Variants in APOL6 observed in about 807,000 individuals in gnomAD.
The protein encoded by APOL6 is apolipoprotein L6.
Under a neutral mutation model 2.4 loss-of-function variants are expected in APOL6, and 1 was observed. That is an observed-to-expected ratio of 0.41 (90% confidence interval 0.15 to 1.94). The LOEUF (loss-of-function observed/expected upper bound fraction) is 1.94, where lower values mean the gene tolerates loss of function less well. APOL6 is among the 30% of genes most tolerant of loss of function. The probability of loss-of-function intolerance (pLI) is 0.30; values close to 1 mark genes in which losing one functional copy is unlikely to be tolerated. For synonymous variants in APOL6, 189 were observed against 169.3 expected (o/e 1.12, Z -0.90); for missense variants, 438 against 429.2 (o/e 1.02, Z -0.18).
rs1252701271 is a variant in APOL6, at chr22:35,663,207, A to C, written c.*3611A>C. The C allele has an allele frequency of 1.3e-5, 2 of 152,182 alleles. No individual in the cohort carries two copies. Among genetic ancestry groups the C allele is most frequent in the African/African-American group, 4.8e-5 (2 of 41,446 alleles). 9.4% of individuals were successfully genotyped at this position (152,182 alleles called of 1,614,324 possible). A position where few individuals can be genotyped will look rare whatever the true frequency, so the allele number is the denominator to read the frequency against. On this transcript the variant is annotated 3_prime_UTR_variant, in exon 3 of 3. Coordinates refer to ENST00000409652, the MANE Select transcript of APOL6 (RefSeq NM_030641.4). ...GGTAGGAAAACAGCCAGCTTAAAAA[A>C]CTTTTTTTAAATTTTAATTACTATA...
Position 35,658,675 on chromosome 22 carries a change from C to G in APOL6, c.111C>G (p.Pro37=), listed in dbSNP as rs749676491. The part of the protein sequence containing the change: ...DVELQDGDLS[P]EEKIFLREFP... ...AGCTACAAGACGGAGATCTGTCCCC[C>G]GAAGAAAAAATATTTTTGAGAGAAT... is the stretch of plus-strand genomic sequence containing the variant. The change falls in exon 3 of 3, where the codon CCC becomes CCG. Residue 37 remains proline, a synonymous_variant. Transcript: ENST00000409652. 2 of 1,613,898 alleles carry G rather than the reference C, an allele frequency of 1.2e-6. No individual in the cohort carries two copies. Among genetic ancestry groups the G allele is most frequent in the Non-Finnish European group, 1.7e-6 (2 of 1,179,988 alleles).
chr22:35,656,332 G>T (rs1924843051), intron 1 of APOL6, 47 bp from the exon 2 acceptor site: 5 of 1,434,756 alleles, frequency 3.5e-6, no homozygotes, highest in Non-Finnish European at 4.9e-6. Context: ...ATTTCATAAG[G>T]TTTCATCATA....
At position 35,659,679 on chromosome 22, in the gene APOL6, G is replaced by A. The variant is rs1298707832; in HGVS notation, c.*83G>A. 5.4e-6 allele frequency: 8 copies of A among 1,474,120 alleles called. No homozygotes were observed. The highest frequency in any genetic ancestry group is 2.3e-4 in the Middle Eastern group (1 of 4,360). 91.3% of individuals were successfully genotyped at this position (1,474,120 alleles called of 1,614,324 possible). ...TCTTGGAGATGAGGGTGCCTGTCCTGGACAGACCTCGGCATGCCTTCTGTT... is the reference window on the plus strand; with the variant it reads ...TCTTGGAGATGAGGGTGCCTGTCCTAGACAGACCTCGGCATGCCTTCTGTT... On this transcript the variant is annotated 3_prime_UTR_variant, in exon 3 of 3. Coordinates refer to ENST00000409652, the MANE Select transcript of APOL6 (RefSeq NM_030641.4).
rs1407297168 is a variant in APOL6, at chr22:35,659,457, C to T, written c.893C>T (p.Ser298Leu). The T allele has an allele frequency of 1.2e-6, 2 of 1,612,652 alleles. No homozygotes were observed. The highest frequency in any genetic ancestry group is 2.2e-5 in the South Asian group (2 of 91,024). The change falls in exon 3 of 3, where the codon TCA becomes TTA. Residue 298 changes from serine (S) to leucine (L), a missense_variant. Physicochemically the swap from Ser to Leu is moderately radical, Grantham distance 145. Coordinates refer to ENST00000409652, the MANE Select transcript of APOL6 (RefSeq NM_030641.4). ...LYKSLQQKVRSRARGVGKDLT... is the reference protein window; with the variant it reads ...LYKSLQQKVRLRARGVGKDLT... ...AAGAGCTTGCAGCAGAAAGTGAGGT[C>T]AAGGGCCAGAGGGGTGGGGAAGGAT... is the stretch of plus-strand genomic sequence containing the variant.
chr22:35,666,442 T>C lies in APOL6; in HGVS notation c.*6846T>C, dbSNP rs1203480296. ...CATACACCACCATGCCCAGCTAATT[T>C]TTTTGTATTTTCAGTAGAGATGGGG... On this transcript the variant is annotated 3_prime_UTR_variant, in exon 3 of 3. Coordinates refer to ENST00000409652, the MANE Select transcript of APOL6 (RefSeq NM_030641.4). 6.6e-6 allele frequency: 1 copy of C among 152,088 alleles called. No individual in the cohort carries two copies. Among genetic ancestry groups the C allele is most frequent in the Non-Finnish European group, 1.5e-5 (1 of 68,038 alleles). 9.4% of individuals were successfully genotyped at this position (152,088 alleles called of 1,614,324 possible). A position where few individuals can be genotyped will look rare whatever the true frequency, so the allele number is the denominator to read the frequency against.
Position 35,659,144 on chromosome 22 carries a change from A to G in APOL6, c.580A>G (p.Asn194Asp). Residue 194 changes from asparagine to aspartate, a missense_variant, in exon 3 of 3, where the codon AAC becomes GAC. By Grantham distance (23) the Asn-to-Asp change is conservative. Coordinates refer to ENST00000409652, the MANE Select transcript of APOL6 (RefSeq NM_030641.4). ...NVRAFWKLRANPRLANATKRL... is the reference protein window; with the variant it reads ...NVRAFWKLRADPRLANATKRL... ...CCGTGCATTTTGGAAACTCAGAGCCAACCCACGCTTGGCCAATGCTACCAA... is the reference window on the plus strand; with the variant it reads ...CCGTGCATTTTGGAAACTCAGAGCCGACCCACGCTTGGCCAATGCTACCAA... 1 of 1,614,190 alleles carries G rather than the reference A, an allele frequency of 6.2e-7. No individual in the cohort carries two copies. Among genetic ancestry groups the G allele is most frequent in the East Asian group, 2.2e-5 (1 of 44,884 alleles).
intron 1 of APOL6, among the ~76,000 whole-genome samples, chr22:35,654,514 G>T (rs1222097038): frequency 6.7e-6 from 1 of 150,348 alleles, no homozygotes; most frequent in Non-Finnish European, 1.5e-5. Flanking sequence ...CAGAAATGGG[G>T]ATAAGAACTC....
rs1925238084 is a variant in APOL6 at position 35,668,053 on chromosome 22, C to T, written c.*8457C>T. 1 of 152,204 alleles carries T rather than the reference C, an allele frequency of 6.6e-6. No individual in the cohort carries two copies. The highest frequency in any genetic ancestry group is 1.5e-5 in the Non-Finnish European group (1 of 68,054). 9.4% of individuals were successfully genotyped at this position (152,204 alleles called of 1,614,324 possible). ...ATAAGAAGCATTTACAATCTATTCTCTCTGAAGTCTTCTACCTGGAGGCTT... is the reference window on the plus strand; with the variant it reads ...ATAAGAAGCATTTACAATCTATTCTTTCTGAAGTCTTCTACCTGGAGGCTT... On this transcript the variant is annotated 3_prime_UTR_variant, in exon 3 of 3. Transcript: ENST00000409652.
chr22:35,656,610 T>C, intron 2 of APOL6, 135 bp downstream of exon 2: 1 of 990,610 alleles, frequency 1.0e-6, no homozygotes, highest in Non-Finnish European at 1.6e-6. Context: ...TGGTCTCCAT[T>C]ATGCATATGA....
chr22:35,655,825 G>A (rs1362971181), intron 1 of APOL6, among the ~76,000 whole-genome samples: 1 of 151,996 alleles, frequency 6.6e-6, no homozygotes, highest in Admixed American at 6.6e-5. Context: ...TTCTCAAAGA[G>A]GTAGCTTTGA....
In APOL6 at chr22:35,659,491, G is replaced by C. The variant is rs1983684733; in HGVS notation, c.927G>C (p.Gly309=). 2 of 1,614,032 alleles carry C rather than the reference G, an allele frequency of 1.2e-6. No homozygotes were observed. Among genetic ancestry groups the C allele is most frequent in the East Asian group, 4.5e-5 (2 of 44,880 alleles). ...RARGVGKDLT[G]TCETEAYWKE... is the part of the protein sequence containing the mutation. ...GAGGGGTGGGGAAGGATTTAACTGG[G>C]ACCTGCGAAACCGAGGCTTACTGGA... Residue 309 remains glycine (G), a synonymous_variant, in exon 3 of 3, where the codon GGG becomes GGC. Transcript: ENST00000409652.
At chr22:35,650,335 A>C (rs1924654494) in intron 1 of APOL6, among the ~76,000 whole-genome samples, 1 of 152,252 alleles carries the variant, frequency 6.6e-6, no homozygotes, top group African/African-American at 2.4e-5. Flanking sequence ...AAAAATTATA[A>C]ATACAAAATT....
rs1280465369 is a variant in APOL6, at chr22:35,663,651, C to T, written c.*4055C>T. The T allele has an allele frequency of 4.6e-5, 7 of 151,606 alleles. No individual in the cohort carries two copies. Among genetic ancestry groups the T allele is most frequent in the Non-Finnish European group, 8.8e-5 (6 of 67,972 alleles). The allele number at this position is 151,606 out of a possible 1,614,324, so 9.4% of individuals were successfully genotyped here. On this transcript the variant is annotated 3_prime_UTR_variant, in exon 3 of 3. Coordinates refer to ENST00000409652, the MANE Select transcript of APOL6 (RefSeq NM_030641.4). ...TGTAGTTTCGTTTTATGTTTAATAT[C>T]GCTCAAAGAAAAATAAAAGCATCTC...
rs1924608619 is a variant in APOL6, at chr22:35,648,630, C to CGG, written c.-48+8_-48+9dup. The CGG allele has an allele frequency of 6.6e-6, 1 of 152,272 alleles. No homozygotes were observed. The highest frequency in any genetic ancestry group is 1.5e-5 in the Non-Finnish European group (1 of 68,148). The allele number at this position is 152,272 out of a possible 1,614,324, so 9.4% of individuals were successfully genotyped here. ...AGAGCTCCGTGGAGAGAAGGTGAGACGGCGGGCAGAAGTCGGGGGAGGAGG... is the reference window on the plus strand; with the variant it reads ...AGAGCTCCGTGGAGAGAAGGTGAGACGGGGCGGGCAGAAGTCGGGGGAGGAGG... On this transcript the variant is annotated splice_region_variant and intron_variant, in intron 1 of 2. Transcript: ENST00000409652.
At chr22:35,656,700 C>T (rs369709207) in intron 2 of APOL6, among the ~76,000 whole-genome samples, 5 of 152,256 alleles carry the variant, frequency 3.3e-5, no homozygotes, top group East Asian at 3.9e-4. Context: ...TTAAGTCAGG[C>T]GCATGGCTTT....
intron 1 of APOL6, among the ~76,000 whole-genome samples, chr22:35,650,757 C>A (rs1395460767): frequency 6.6e-6 from 1 of 151,908 alleles, no homozygotes; most frequent in African/African-American, 2.4e-5. Flanking sequence ...TTGTGAAACC[C>A]CATCTCTACT....
rs1211448800 is a variant in APOL6, at chr22:35,664,742, G to A, written c.*5146G>A. The A allele has an allele frequency of 6.6e-6, 1 of 151,464 alleles. No homozygotes were observed. The highest frequency in any genetic ancestry group is 1.5e-5 in the Non-Finnish European group (1 of 67,906). 9.4% of individuals were successfully genotyped at this position (151,464 alleles called of 1,614,324 possible). ...TAAATAATAGATAATTTATTATTTG[G>A]GTATTTTCCAATAAATATATCTTGT... is the stretch of plus-strand genomic sequence containing the variant. On this transcript the variant is annotated 3_prime_UTR_variant, in exon 3 of 3. Transcript: ENST00000409652.
At position 35,659,315 on chromosome 22, in the gene APOL6, A is replaced by G. The variant is rs1223935796; in HGVS notation, c.751A>G (p.Thr251Ala). ...SAFSLGYDLA[T>A]LSKEWKHLKE... ...CTTCTCCCTTGGCTATGACTTGGCCACTCTCTCAAAGGAATGGAAGCACCT... is the reference window on the plus strand; with the variant it reads ...CTTCTCCCTTGGCTATGACTTGGCCGCTCTCTCAAAGGAATGGAAGCACCT... Residue 251 changes from threonine (T) to alanine (A), a missense_variant, in exon 3 of 3, where the codon ACT (threonine) becomes GCT (alanine). Coordinates refer to ENST00000409652, the MANE Select transcript of APOL6 (RefSeq NM_030641.4). 5.0e-6 allele frequency: 8 copies of G among 1,613,912 alleles called. No individual in the cohort carries two copies. Among genetic ancestry groups the G allele is most frequent in the Non-Finnish European group, 6.8e-6 (8 of 1,179,934 alleles).
In APOL6 at chr22:35,659,054, G is replaced by A; in HGVS notation, c.490G>A (p.Val164Ile). The A allele has an allele frequency of 1.2e-6, 2 of 1,613,976 alleles. No homozygotes were observed. The highest frequency in any genetic ancestry group is 1.7e-6 in the Non-Finnish European group (2 of 1,180,044). Residue 164 changes from valine (V) to isoleucine (I), a missense_variant, in exon 3 of 3, where the codon GTC (valine) becomes ATC (isoleucine). Coordinates refer to ENST00000409652, the MANE Select transcript of APOL6 (RefSeq NM_030641.4). ...GGATGAGGAAGAGAAGGCAGACTAT[G>A]TCACAGCTGCTGGAAAGATTATCTA... ...REDEEEKADY[V>I]TAAGKIIYNL...
Sources: allele counts gnomAD v4.1 joint callset (sites outside exome capture counted in the v4.1 genomes callset), GRCh38; gene constraint gnomAD v4.1.1; transcripts MANE v1.5; gene names NCBI Gene and HGNC (gene_info 2026-07-23, HGNC 2026-07-21).